The following MVB12B variants were observed in gnomAD, a reference collection of about 807,000 sequenced individuals.
MVB12B encodes ESCRT-I complex subunit MVB12B.
A neutral mutation model predicts 41.6 loss-of-function variants in MVB12B; 16 were observed. That is an observed-to-expected ratio of 0.38 (90% confidence interval 0.26 to 0.58). The LOEUF is 0.58. Ranked by LOEUF, MVB12B falls within the 20% of genes least tolerant of loss-of-function variation. MVB12B has a pLI of 0.62. For missense variants in MVB12B, 274 were observed against 380.2 expected, an observed-to-expected ratio of 0.72 and a Z score of 2.32; for synonymous variants, 133 against 139.7, an observed-to-expected ratio of 0.95 and a Z score of 0.34.
intron 5 of MVB12B, among the ~76,000 whole-genome samples, chr9:126,394,569 A>G (rs1489501944): frequency 1.3e-5 from 2 of 152,184 alleles, no homozygotes; most frequent in African/African-American, 4.8e-5. Flanking sequence ...ACAGTTCTAC[A>G]TGTTACTTTG....
chr9:126,407,338 C>T (rs1831467263), intron 6 of MVB12B, among the ~76,000 whole-genome samples: 1 of 152,086 alleles, frequency 6.6e-6, no homozygotes, highest in South Asian at 2.1e-4. Context: ...CAGCCAAAAG[C>T]CCAAAGCAGG....
At chr9:126,452,369 C>T (rs1832903005) in intron 7 of MVB12B, among the ~76,000 whole-genome samples, 1 of 152,190 alleles carries the variant, frequency 6.6e-6, no homozygotes, top group Non-Finnish European at 1.5e-5. Flanking sequence ...TAGGCTTTCC[C>T]TCCTCAGCTC....
intron 7 of MVB12B, among the ~76,000 whole-genome samples, chr9:126,438,934 G>A (rs186975455): frequency 1.8e-3 from 273 of 152,102 alleles, no homozygotes; most frequent in Non-Finnish European, 3.3e-3. Context: ...ATACTCGATC[G>A]CTGCAAGGTC....
At chr9:126,438,550 G>C (rs1197066989) in intron 7 of MVB12B, among the ~76,000 whole-genome samples, 1 of 152,160 alleles carries the variant, frequency 6.6e-6, no homozygotes, top group Non-Finnish European at 1.5e-5. Context: ...GCTGATCCTC[G>C]TCCAGGTTCT....
chr9:126,399,053 G>T (rs933558616), intron 6 of MVB12B, among the ~76,000 whole-genome samples: 1 of 152,196 alleles, frequency 6.6e-6, no homozygotes, highest in Admixed American at 6.5e-5. Context: ...CAGAAGCTCC[G>T]TTATTGCAGA....
rs1336486484 is a variant in MVB12B at position 126,503,161 on chromosome 9, C to T, written c.874-16C>T. On this transcript the variant is annotated splice_polypyrimidine_tract_variant and intron_variant, in intron 9 of 9. Coordinates refer to ENST00000361171, the MANE Select transcript of MVB12B (RefSeq NM_033446.3). The stretch of plus-strand genomic sequence containing the variant: ...ATGGACTGACTGTGTCTCTCTGTCC[C>T]CACCCGCCCCTGCAGTACGAGTACA... The T allele has an allele frequency of 2.6e-6, 4 of 1,548,110 alleles. No individual in the cohort carries two copies. The highest frequency in any genetic ancestry group is 2.4e-5 in the South Asian group (2 of 84,012).
At chr9:126,337,908 A>G (rs1829328906) in intron 1 of MVB12B, among the ~76,000 whole-genome samples, 1 of 151,696 alleles carries the variant, frequency 6.6e-6, no homozygotes, top group Non-Finnish European at 1.5e-5. Flanking sequence ...CGGCCTGGGA[A>G]ATGTGGAGCG....
At chr9:126,452,706 G>T (rs1832907718) in intron 7 of MVB12B, among the ~76,000 whole-genome samples, 1 of 152,152 alleles carries the variant, frequency 6.6e-6, no homozygotes, top group Non-Finnish European at 1.5e-5. Context: ...TGACCTGGAT[G>T]TTTGGGTGTT....
chr9:126,406,693 T>C (rs1831438957), intron 6 of MVB12B, among the ~76,000 whole-genome samples: 1 of 152,232 alleles, frequency 6.6e-6, no homozygotes, highest in African/African-American at 2.4e-5. Context: ...CAGACTTGGC[T>C]TTTTTCTTCA....
At chr9:126,475,054 C>T (rs1190479761) in intron 7 of MVB12B, among the ~76,000 whole-genome samples, 1 of 152,222 alleles carries the variant, frequency 6.6e-6, no homozygotes, top group South Asian at 2.1e-4. Flanking sequence ...GCCTTCTTTC[C>T]TGTCTCCTGC....
At chr9:126,475,327 T>C (rs1833400274) in intron 7 of MVB12B, among the ~76,000 whole-genome samples, 1 of 152,116 alleles carries the variant, frequency 6.6e-6, no homozygotes, top group East Asian at 1.9e-4. Flanking sequence ...TTCACAGGGG[T>C]CACTTAAGGT....
intron 6 of MVB12B, chr9:126,397,437 A>G: frequency 1.0e-6 from 1 of 985,406 alleles, no homozygotes; most frequent in Non-Finnish European, 1.2e-6. Flanking sequence ...TATGTATTTT[A>G]TCACCTCTGC....
intron 6 of MVB12B, among the ~76,000 whole-genome samples, chr9:126,412,346 GTTC>G (rs1433905975): frequency 6.6e-6 from 1 of 152,176 alleles, no homozygotes; most frequent in African/African-American, 2.4e-5. Flanking sequence ...CATTTGCTGT[GTTC>G]TTCTTCCCCT....
chr9:126,339,242 T>C (rs1829371359), intron 1 of MVB12B, among the ~76,000 whole-genome samples: 1 of 152,222 alleles, frequency 6.6e-6, no homozygotes, highest in Non-Finnish European at 1.5e-5. Context: ...TTTAATGGCC[T>C]CTGCCTTTTC....
chr9:126,348,302 A>G (rs1323409998), intron 2 of MVB12B, among the ~76,000 whole-genome samples: 2 of 152,140 alleles, frequency 1.3e-5, no homozygotes, highest in East Asian at 3.9e-4. Context: ...TTCCCTCCAC[A>G]TTCCCCTTTG....
chr9:126,400,239 G>A (rs1048098287), intron 6 of MVB12B, among the ~76,000 whole-genome samples: 1 of 152,240 alleles, frequency 6.6e-6, no homozygotes. Flanking sequence ...GTGTTTCCAG[G>A]TGGGGATGGA....
rs924611176 is a variant in MVB12B, at chr9:126,457,741, G to A, written c.758-23628G>A. ...TGAAAATAGGGACGCGTCGCCTGTC[G>A]TTCTACTGAGGGAGAACGGGTGGTA... is the stretch of plus-strand genomic sequence containing the variant. On this transcript the variant is annotated intron_variant, in intron 7 of 9. Transcript: ENST00000361171. Among the ~76,000 whole-genome samples the A allele has an allele frequency of 5.9e-5, 9 of 152,050 alleles. No individual in the cohort carries two copies. The South Asian group carries it at 1.0e-3, about 18-fold the overall frequency.
chr9:126,414,294 G>A (rs1336279593), intron 6 of MVB12B, among the ~76,000 whole-genome samples: 3 of 152,132 alleles, frequency 2.0e-5, no homozygotes, highest in Non-Finnish European at 2.9e-5. Context: ...AGCCGTCATC[G>A]CTGGCAGTGC....
intron 8 of MVB12B, among the ~76,000 whole-genome samples, chr9:126,483,059 C>G (rs1360137388): frequency 1.3e-5 from 2 of 152,252 alleles, no homozygotes; most frequent in Non-Finnish European, 2.9e-5. Context: ...AGCTCCCCTC[C>G]CATCCCTGAG....
Sources: allele counts gnomAD v4.1 joint callset (sites outside exome capture counted in the v4.1 genomes callset), GRCh38; gene constraint gnomAD v4.1.1; transcripts MANE v1.5; gene names NCBI Gene and HGNC (gene_info 2026-07-23, HGNC 2026-07-21).